DYM: variants seen among roughly 807,000 people sequenced by gnomAD.
The protein encoded by DYM is dyggve-Melchior-Clausen syndrome protein.
DYM carries 78 observed loss-of-function variants against 93.1 expected under a neutral mutation model. The observed-to-expected ratio is 0.84, with a 90% CI of 0.70 to 1.01. The LOEUF (loss-of-function observed/expected upper bound fraction) is 1.01. Ranked by LOEUF, DYM falls within the 50% of genes least tolerant of loss-of-function variation. The pLI is 0.00. For synonymous variants in DYM, 321 were observed against 319.7 expected, an observed-to-expected ratio of 1.00 and a Z score of -0.04; for missense variants, 789 against 845.0, an observed-to-expected ratio of 0.93 and a Z score of 0.82.
chr18:49,149,706 T>TC (rs2085594071), intron 15 of DYM, among the ~76,000 whole-genome samples: 1 of 139,140 alleles, frequency 7.2e-6, no homozygotes, highest in Non-Finnish European at 1.6e-5. Context: ...CAAAGTGTTT[T>TC]TTTTTTTTTT....
chr18:49,388,942 G>A (rs1480863243), intron 3 of DYM, among the ~76,000 whole-genome samples: 2 of 148,186 alleles, frequency 1.3e-5, no homozygotes, highest in Non-Finnish European at 1.5e-5. Flanking sequence ...AAAAGAGAAG[G>A]AAAATTGTTG....
intron 8 of DYM, among the ~76,000 whole-genome samples, chr18:49,325,751 C>A (rs2062834205): frequency 1.3e-5 from 2 of 152,188 alleles, no homozygotes; most frequent in South Asian, 4.2e-4. Context: ...AACGTAGAGT[C>A]CAGAATCAGG....
chr18:49,424,693 A>G (rs901949440), intron 2 of DYM, among the ~76,000 whole-genome samples: 1 of 152,210 alleles, frequency 6.6e-6, no homozygotes. Flanking sequence ...ACTTCAGCAA[A>G]GTCTCAGGAT....
At chr18:49,386,786 A>T (rs1177884676) in intron 3 of DYM, among the ~76,000 whole-genome samples, 3 of 152,078 alleles carry the variant, frequency 2.0e-5, no homozygotes, top group Non-Finnish European at 4.4e-5. Flanking sequence ...GCTTTGCTTT[A>T]TTGTGCTTCA....
At chr18:49,374,332 T>C (rs1452712132) in intron 5 of DYM, among the ~76,000 whole-genome samples, 1 of 152,172 alleles carries the variant, frequency 6.6e-6, no homozygotes, top group African/African-American at 2.4e-5. Flanking sequence ...TCAGAGAACA[T>C]AATGGTCAAT....
chr18:49,390,674 T>A (rs1256685368), intron 3 of DYM: 1 of 152,078 alleles, frequency 6.6e-6, no homozygotes, highest in Non-Finnish European at 1.5e-5. Context: ...GCCTTGCTAA[T>A]TTTTGGATTT....
intron 1 of DYM, among the ~76,000 whole-genome samples, chr18:49,432,093 C>T (rs1406071404): frequency 2.0e-5 from 3 of 152,122 alleles, no homozygotes; most frequent in East Asian, 3.8e-4. Flanking sequence ...ATCCTGAAGG[C>T]CGGGCGCTGT....
In DYM at chr18:49,250,212, TAG is replaced by T. The variant is rs202099479; in HGVS notation, c.1460+6796_1460+6797del. On this transcript the variant is annotated intron_variant, in intron 13 of 17. Transcript: ENST00000675505. ...ATTTATTAAAAGTCTATTGTGTGCC[TAG>T]AGAGAGCAACTCTCTGTAAAGTAAT... Among the ~76,000 whole-genome samples the T allele has an allele frequency of 2.2e-4, 33 of 152,348 alleles. No homozygotes were observed. In the East Asian group the frequency reaches 5.2e-3, roughly 24 times the overall value.
At chr18:49,129,103 T>G in intron 15 of DYM, among the ~76,000 whole-genome samples, 1 of 148,138 alleles carries the variant, frequency 6.8e-6, no homozygotes, top group African/African-American at 2.5e-5. Context: ...CAAATAGGGG[T>G]GTAATAAGCT....
rs141075576 is a variant in DYM at position 49,316,411 on chromosome 18, G to A, written c.763+15453C>T. On this transcript the variant is annotated intron_variant, in intron 8 of 17. Coordinates refer to ENST00000675505, the MANE Select transcript of DYM (RefSeq NM_001353214.3). ...TAAAACTGAAGGCCTCCATCAAAAT[G>A]CCCCAGAACTAATATATCTGAAAAA... Among the ~76,000 whole-genome samples the A allele has an allele frequency of 9.2e-5, 14 of 152,198 alleles. No homozygotes were observed. The East Asian group carries it at 2.7e-3, about 29-fold the overall frequency.
At chr18:49,143,444 A>G (rs1439160504) in intron 15 of DYM, among the ~76,000 whole-genome samples, 1 of 152,322 alleles carries the variant, frequency 6.6e-6, no homozygotes, top group East Asian at 1.9e-4. Flanking sequence ...TAATATTTAC[A>G]CAGTACTTGT....
intron 8 of DYM, among the ~76,000 whole-genome samples, chr18:49,308,179 TAC>T (rs937429955): frequency 2.6e-5 from 4 of 152,194 alleles, no homozygotes; most frequent in Admixed American, 2.0e-4. Flanking sequence ...CTATTTTTTT[TAC>T]AGAGACAGAA....
chr18:49,286,438 T>A lies in DYM; in HGVS notation c.942A>T (p.Thr314=), dbSNP rs780901887. 1.9e-6 allele frequency: 3 copies of A among 1,614,096 alleles called. No individual in the cohort carries two copies. Among genetic ancestry groups the A allele is most frequent in the Non-Finnish European group, 8.5e-7 (1 of 1,179,968 alleles). ...YRQAIMSFKN[T]QDSSPFPSSI... is the part of the protein sequence containing the mutation. ...TAGAGAAAAAATACCACAAACCTTG[T>A]GTGTTCTTGAAGGACATAATGGCTT... is the stretch of plus-strand genomic sequence containing the variant. The change falls in exon 9 of 18, where the codon ACA becomes ACT. Residue 314 remains threonine, a synonymous_variant. Coordinates refer to ENST00000675505, the MANE Select transcript of DYM (RefSeq NM_001353214.3).
chr18:49,120,741 T>C (rs545413249), intron 15 of DYM, among the ~76,000 whole-genome samples: 14 of 152,336 alleles, frequency 9.2e-5, no homozygotes, highest in Admixed American at 4.6e-4. Flanking sequence ...TATCTGGCTC[T>C]TTACAGAAAA....
At chr18:49,194,020 A>C (rs2091216315) in intron 14 of DYM, among the ~76,000 whole-genome samples, 1 of 152,206 alleles carries the variant, frequency 6.6e-6, no homozygotes. Context: ...AAGCCAAATA[A>C]ATCTAAGGGC....
chr18:49,381,747 T>C (rs1170728336), intron 3 of DYM, among the ~76,000 whole-genome samples: 13 of 152,306 alleles, frequency 8.5e-5, no homozygotes, highest in Admixed American at 6.5e-4. Flanking sequence ...CAACATTTGT[T>C]GTCAATCAGC....
Position 49,423,825 on chromosome 18 carries a change from C to T in DYM, c.140+6430G>A, listed in dbSNP as rs529828984. 3.9e-5 allele frequency among the ~76,000 whole-genome samples: 6 copies of T among 152,264 alleles called. No homozygotes were observed. In the East Asian group the frequency reaches 1.2e-3, roughly 29 times the overall value. ...AAATGGATAAATTCCTGGACACATA[C>T]ACCCTCCCAAGACTAAACCAGGAAG... On this transcript the variant is annotated intron_variant, in intron 2 of 17. Coordinates refer to ENST00000675505, the MANE Select transcript of DYM (RefSeq NM_001353214.3).
intron 1 of DYM, among the ~76,000 whole-genome samples, chr18:49,459,111 AAC>A (rs2083259225): frequency 6.6e-6 from 1 of 152,232 alleles, no homozygotes; most frequent in South Asian, 2.1e-4. Flanking sequence ...ATGTCGTAAC[AAC>A]ACAGACTTCT....
At chr18:49,287,387 T>C (rs2145848731) in intron 8 of DYM, among the ~76,000 whole-genome samples, 1 of 150,864 alleles carries the variant, frequency 6.6e-6, no homozygotes, top group African/African-American at 2.4e-5. Context: ...TAAAGAAAAA[T>C]TCTTACAAAC....
Sources: allele counts gnomAD v4.1 joint callset (sites outside exome capture counted in the v4.1 genomes callset), GRCh38; gene constraint gnomAD v4.1.1; transcripts MANE v1.5; gene names NCBI Gene and HGNC (gene_info 2026-07-23, HGNC 2026-07-21).